Variants in TRPC1 observed in about 807,000 individuals in gnomAD.
TRPC1 encodes short transient receptor potential channel 1.
In TRPC1, 42 loss-of-function variants were observed where a neutral mutation model predicts 88.2. That is an observed-to-expected ratio of 0.48 (90% CI 0.37 to 0.62). TRPC1 has a LOEUF of 0.62. Ranked by LOEUF, TRPC1 falls within the 20% of genes least tolerant of loss-of-function variation. The probability of loss-of-function intolerance (pLI) is 0.00; values close to 1 mark genes in which losing one functional copy is unlikely to be tolerated. For missense variants in TRPC1, 699 were observed against 957.3 expected, an observed-to-expected ratio of 0.73 and a Z score of 3.56; for synonymous variants, 288 against 331.8, an observed-to-expected ratio of 0.87 and a Z score of 1.43.
At chr3:142,761,535 T>C (rs916554190) in intron 4 of TRPC1, among the ~76,000 whole-genome samples, 2 of 152,182 alleles carry the variant, frequency 1.3e-5, no homozygotes, top group Non-Finnish European at 2.9e-5. Flanking sequence ...TGTAGTTTTC[T>C]TTTTTTGTTG....
Position 142,802,227 on chromosome 3 carries a change from TTTTG to T in TRPC1, c.1644_1647del (p.Leu548PhefsTer7). On this transcript the variant is annotated frameshift_variant, in exon 10 of 13. Transcript: ENST00000476941. LOFTEE classifies it high-confidence loss of function. ...AAATTTCTTGGGATGTTTCTTCTTG[TTTTG>T]TTTTCTTTCACAATTGGACTGACAC... 1 of 1,596,212 alleles carries T rather than the reference TTTTG, an allele frequency of 6.3e-7. No individual in the cohort carries two copies. The highest frequency in any genetic ancestry group is 8.5e-7 in the Non-Finnish European group (1 of 1,173,356).
intron 4 of TRPC1, among the ~76,000 whole-genome samples, chr3:142,756,487 G>T (rs1435106037): frequency 6.6e-6 from 1 of 151,880 alleles, no homozygotes; most frequent in Non-Finnish European, 1.5e-5. Flanking sequence ...AGCCTCCCGA[G>T]TAGCTGGAAC....
chr3:142,776,593 A>G lies in TRPC1; in HGVS notation c.633-1039A>G, dbSNP rs1407329147. Among the ~76,000 whole-genome samples the G allele has an allele frequency of 6.6e-6, 1 of 152,174 alleles. No homozygotes were observed. The highest frequency in any genetic ancestry group is 1.5e-5 in the Non-Finnish European group (1 of 68,036). ...CCTGAATGAATGAAAAATGTATTATATATATTGAGCATATTAAAATATTTT... is the reference window on the plus strand; with the variant it reads ...CCTGAATGAATGAAAAATGTATTATGTATATTGAGCATATTAAAATATTTT... On this transcript the variant is annotated intron_variant, in intron 4 of 12. Transcript: ENST00000476941. The surrounding 1 kb of genome is among the most constrained non-coding windows in gnomAD (Gnocchi z 4.1).
At position 142,748,446 on chromosome 3, in the gene TRPC1, C is replaced by T; in HGVS notation, c.618C>T (p.Ser206=). ...TLCSAKNKKD[S]LRHSRFRLDI... ...GTTCTGCAAAAAACAAAAAGGATAGCCTCCGGCATTCCAGGTTAGAACATT... is the reference window on the plus strand; with the variant it reads ...GTTCTGCAAAAAACAAAAAGGATAGTCTCCGGCATTCCAGGTTAGAACATT... The change falls in exon 4 of 13, where the codon AGC becomes AGT. Residue 206 remains serine (S), a synonymous_variant. Transcript: ENST00000476941. 1.2e-6 allele frequency: 2 copies of T among 1,613,998 alleles called. No individual in the cohort carries two copies. Among genetic ancestry groups the T allele is most frequent in the African/African-American group, 1.3e-5 (1 of 75,046 alleles).
At chr3:142,800,913 A>T (rs1355661184) in intron 9 of TRPC1, among the ~76,000 whole-genome samples, 1 of 148,520 alleles carries the variant, frequency 6.7e-6, no homozygotes. Context: ...AGACTGTCTT[A>T]AAAAGAAAGA....
chr3:142,754,156 T>A (rs1262918662), intron 4 of TRPC1, among the ~76,000 whole-genome samples: 3 of 151,900 alleles, frequency 2.0e-5, no homozygotes, highest in African/African-American at 7.3e-5. Flanking sequence ...TGGTGTAGTT[T>A]CAGGGTAATA....
intron 5 of TRPC1, among the ~76,000 whole-genome samples, chr3:142,779,698 C>T (rs1314322638): frequency 6.6e-6 from 1 of 152,000 alleles, no homozygotes; most frequent in African/African-American, 2.4e-5. Context: ...GAAAGACTAA[C>T]CAGTGGGAAA....
intron 7 of TRPC1, among the ~76,000 whole-genome samples, chr3:142,786,699 T>C (rs1272131439): frequency 6.6e-6 from 1 of 152,178 alleles, no homozygotes; most frequent in African/African-American, 2.4e-5. Context: ...TGGAAGAATT[T>C]TACACATTAG....
At chr3:142,740,208 T>G (rs1238110813) in intron 2 of TRPC1, among the ~76,000 whole-genome samples, 1 of 152,194 alleles carries the variant, frequency 6.6e-6, no homozygotes, top group African/African-American at 2.4e-5. Context: ...TTAGTGAATA[T>G]TTTGATTTGG....
intron 4 of TRPC1, among the ~76,000 whole-genome samples, chr3:142,749,956 A>C (rs1018215276): frequency 1.3e-5 from 2 of 152,240 alleles, no homozygotes; most frequent in Non-Finnish European, 2.9e-5. Flanking sequence ...TAAGACTTAA[A>C]ACCGTGAAAA....
intron 4 of TRPC1, among the ~76,000 whole-genome samples, chr3:142,764,185 CTGATA>C (rs1208470049): frequency 2.0e-5 from 3 of 150,684 alleles, no homozygotes; most frequent in Non-Finnish European, 4.4e-5. Context: ...TAGTTGTCAA[CTGATA>C]TATTTTTATA....
At position 142,750,060 on chromosome 3, in the gene TRPC1, A is replaced by C. The variant is rs139423589; in HGVS notation, c.632+1600A>C. Among the ~76,000 whole-genome samples the C allele has an allele frequency of 3.4e-3, 519 of 152,340 alleles. 1 individual carries two copies. Among genetic ancestry groups the C allele is most frequent in the African/African-American group, 0.012 (485 of 41,576 alleles). ...CCAAAAGCAATGGCAGCGAAAGCCAAAATTGACAAATGGGATCTAATTAAA... is the reference window on the plus strand; with the variant it reads ...CCAAAAGCAATGGCAGCGAAAGCCACAATTGACAAATGGGATCTAATTAAA... On this transcript the variant is annotated intron_variant, in intron 4 of 12. Coordinates refer to ENST00000476941, the MANE Select transcript of TRPC1 (RefSeq NM_001251845.2).
Position 142,738,177 on chromosome 3 carries a change from C to CA in TRPC1, c.327+1647dup, listed in dbSNP as rs149724251. Among the ~76,000 whole-genome samples the CA allele has an allele frequency of 3.9e-3, 601 of 152,218 alleles. 4 individuals are homozygous for CA. The highest frequency in any genetic ancestry group is 0.013 in the African/African-American group (525 of 41,538). On this transcript the variant is annotated intron_variant, in intron 2 of 12. Coordinates refer to ENST00000476941, the MANE Select transcript of TRPC1 (RefSeq NM_001251845.2). Reference sequence around the variant, plus strand: ...GGCTCATAGACTTTAATGAATTTCTCAAAGTTCTAAAATTAGTAAGGACAA... The same window carrying CA: ...GGCTCATAGACTTTAATGAATTTCTCAAAAGTTCTAAAATTAGTAAGGACAA...
rs76846280 is a variant in TRPC1, at chr3:142,756,326, C to T, written c.632+7866C>T. 6.9e-3 allele frequency among the ~76,000 whole-genome samples: 1,039 copies of T among 149,788 alleles called. 28 individuals carry two copies. In the East Asian group the frequency reaches 0.09, roughly 13 times the overall value. ...AACTGTTCTCCAAAGTGGTTGGAAA[C>T]AGTTTAACATTTTTACTGGTAAGGT... On this transcript the variant is annotated intron_variant, in intron 4 of 12. Transcript: ENST00000476941.
rs1006415232 is a variant in TRPC1, at chr3:142,774,342, C to T, written c.633-3290C>T. Among the ~76,000 whole-genome samples, 6 of 152,336 alleles carry T rather than the reference C, an allele frequency of 3.9e-5. No homozygotes were observed. The East Asian group carries it at 9.6e-4, about 24-fold the overall frequency. On this transcript the variant is annotated intron_variant, in intron 4 of 12. Transcript: ENST00000476941. ...TTTATGGCTTTCTTATTTCCAAGCTCTCCCTGTTAAGTTTCTGGTTGGTCC... is the reference window on the plus strand; with the variant it reads ...TTTATGGCTTTCTTATTTCCAAGCTTTCCCTGTTAAGTTTCTGGTTGGTCC...
At position 142,724,660 on chromosome 3, in the gene TRPC1, T is replaced by A; in HGVS notation, c.101T>A (p.Leu34Gln). Residue 34 changes from leucine to glutamine, a missense_variant, in exon 1 of 13, where the codon CTG becomes CAG. Leu to Gln is a moderately radical substitution (Grantham distance 113, BLOSUM62 -2). Around this residue, in one of 4 missense-constraint regions of TRPC1, gnomAD observed 157 missense variants for 127.0 expected, o/e 1.24. Coordinates refer to ENST00000476941, the MANE Select transcript of TRPC1 (RefSeq NM_001251845.2). This position sits in a 1 kb window ranked among gnomAD's most constrained non-coding sequence, Gnocchi z 5.6. ...SSSSPNEVMALKDVREVKEEN... is the reference protein window; with the variant it reads ...SSSSPNEVMAQKDVREVKEEN... ...TCCTCGCCGAACGAGGTGATGGCGC[T>A]GAAGGATGTGCGGGAGGTGAAGGAG... 6.2e-7 allele frequency: 1 copy of A among 1,612,744 alleles called. No individual in the cohort carries two copies.
chr3:142,774,769 T>C (rs1311111397), intron 4 of TRPC1, among the ~76,000 whole-genome samples: 2 of 152,210 alleles, frequency 1.3e-5, no homozygotes, highest in Non-Finnish European at 2.9e-5. Context: ...ATTATTTTAA[T>C]GGTGTTTTGA....
At chr3:142,752,028 C>A (rs1560099694) in intron 4 of TRPC1, among the ~76,000 whole-genome samples, 11 of 152,034 alleles carry the variant, frequency 7.2e-5, no homozygotes, top group Non-Finnish European at 1.5e-5. Flanking sequence ...GTTTTAAAAT[C>A]CTTTATTAGT....
Position 142,780,955 on chromosome 3 carries a change from G to A in TRPC1, c.886G>A (p.Asp296Asn). The change falls in exon 6 of 13, where the codon GAC becomes AAC. Residue 296 changes from aspartate (D) to asparagine (N), a missense_variant. Coordinates refer to ENST00000476941, the MANE Select transcript of TRPC1 (RefSeq NM_001251845.2). ...LNHTSSDEPL[D>N]KRGLLEERMN... ...CCATACGTCTAGTGACGAGCCTCTTGACAAACGGGGATTATTAGAAGAAAG... is the reference window on the plus strand; with the variant it reads ...CCATACGTCTAGTGACGAGCCTCTTAACAAACGGGGATTATTAGAAGAAAG... 6.2e-7 allele frequency: 1 copy of A among 1,613,816 alleles called. No homozygotes were observed. Among genetic ancestry groups the A allele is most frequent in the South Asian group, 1.1e-5 (1 of 91,026 alleles).
Sources: gnomAD v4.1 joint callset for allele counts (sites outside exome capture counted in the v4.1 genomes callset) on GRCh38, gnomAD v4.1.1 for gene constraint, gnomAD v4.1.1 regional missense constraint, Gnocchi (gnomAD v3.1) non-coding constraint, MANE v1.5 for transcripts, NCBI Gene and HGNC (gene_info 2026-07-23, HGNC 2026-07-21) for gene names.